Variants in SLMAP observed in about 807,000 individuals in gnomAD.
SLMAP encodes sarcolemma associated protein.
Under a neutral mutation model 128.8 loss-of-function variants are expected in SLMAP, and 44 were observed. The ratio of observed to expected loss-of-function variants is 0.34; its 90% confidence interval spans 0.27 to 0.44. SLMAP has a LOEUF of 0.44. Among genes scored for constraint, SLMAP ranks in the 20% least tolerant of loss-of-function variants. SLMAP has a pLI of 1.00. For synonymous variants in SLMAP, 327 were observed against 348.8 expected, an observed-to-expected ratio of 0.94 and a Z score of 0.70; for missense variants, 787 against 985.3, an observed-to-expected ratio of 0.80 and a Z score of 2.69.
intron 2 of SLMAP, among the ~76,000 whole-genome samples, chr3:57,803,259 C>G (rs1456354387): frequency 6.6e-6 from 1 of 151,920 alleles, no homozygotes; most frequent in Non-Finnish European, 1.5e-5. Flanking sequence ...TAAAAAAGGC[C>G]ATCAAGATTA....
At chr3:57,869,647 T>TATATATATA (rs2095430051) in intron 13 of SLMAP, among the ~76,000 whole-genome samples, 1 of 134,842 alleles carries the variant, frequency 7.4e-6, no homozygotes, top group Non-Finnish European at 1.6e-5. Context: ...TATATATATA[T>TATATATATA]ATATATATAT....
At chr3:57,820,910 T>G (rs2092445670) in intron 2 of SLMAP, among the ~76,000 whole-genome samples, 2 of 152,194 alleles carry the variant, frequency 1.3e-5, no homozygotes, top group South Asian at 4.1e-4. Context: ...CTCCTTTATC[T>G]ACAGGACTTA....
chr3:57,892,801 C>T (rs996553071), intron 15 of SLMAP, among the ~76,000 whole-genome samples: 2 of 150,050 alleles, frequency 1.3e-5, no homozygotes, highest in African/African-American at 4.9e-5. Context: ...CACACACACA[C>T]ACACACACAT....
intron 2 of SLMAP, among the ~76,000 whole-genome samples, chr3:57,811,973 C>G (rs1260723132): frequency 3.9e-5 from 6 of 152,004 alleles, no homozygotes; most frequent in African/African-American, 1.4e-4. Flanking sequence ...TTCTGGATAC[C>G]AATCCCTTAT....
chr3:57,809,157 A>G (rs1163588566), intron 2 of SLMAP, among the ~76,000 whole-genome samples: 1 of 152,154 alleles, frequency 6.6e-6, no homozygotes, highest in Non-Finnish European at 1.5e-5. Context: ...TGGAGCAGGC[A>G]GGAGCCCACC....
intron 2 of SLMAP, among the ~76,000 whole-genome samples, chr3:57,806,487 G>T (rs1408454586): frequency 6.6e-6 from 1 of 151,850 alleles, no homozygotes; most frequent in East Asian, 1.9e-4. Context: ...ACCCAGACTG[G>T]AGTGCAGTGG....
intron 2 of SLMAP, among the ~76,000 whole-genome samples, chr3:57,758,241 C>T (rs1004411944): frequency 2.6e-5 from 4 of 152,152 alleles, no homozygotes; most frequent in African/African-American, 9.7e-5. Flanking sequence ...ATTATTATCC[C>T]GGGGCTCAAG....
At chr3:57,869,689 A>G (rs897399700) in intron 13 of SLMAP, among the ~76,000 whole-genome samples, 14 of 138,368 alleles carry the variant, frequency 1.0e-4, no homozygotes, top group African/African-American at 3.5e-4. Context: ...AATTCTAATG[A>G]TCTATTTTGC....
chr3:57,830,807 A>G (rs934910335), intron 2 of SLMAP, among the ~76,000 whole-genome samples: 2 of 152,248 alleles, frequency 1.3e-5, no homozygotes, highest in African/African-American at 4.8e-5. Flanking sequence ...GATGTTTCAT[A>G]TAAAATGAAT....
chr3:57,812,808 A>AT (rs2091223115), intron 2 of SLMAP, among the ~76,000 whole-genome samples: 1 of 151,874 alleles, frequency 6.6e-6, no homozygotes, highest in African/African-American at 2.4e-5. Context: ...TTCATTAAAA[A>AT]TTTTTTTAAA....
At chr3:57,911,150 T>C (rs1052177909) in intron 19 of SLMAP, among the ~76,000 whole-genome samples, 1 of 151,942 alleles carries the variant, frequency 6.6e-6, no homozygotes, top group Non-Finnish European at 1.5e-5. Flanking sequence ...TAGTGCTACC[T>C]TTTTTTTAAA....
At chr3:57,818,324 T>C (rs537374982) in intron 2 of SLMAP, among the ~76,000 whole-genome samples, 1 of 152,166 alleles carries the variant, frequency 6.6e-6, no homozygotes, top group South Asian at 2.1e-4. Context: ...CCCAGCTAAT[T>C]TTGTGTTTTT....
chr3:57,915,237 C>A (rs182890740), intron 21 of SLMAP, among the ~76,000 whole-genome samples: 253 of 152,240 alleles, frequency 1.7e-3, no homozygotes, highest in African/African-American at 5.6e-3. Context: ...TGGAATCTGG[C>A]AGATTCTTAA....
At chr3:57,843,305 CTTTTTTT>C in intron 4 of SLMAP, among the ~76,000 whole-genome samples, 16,116 of 91,816 alleles carry the variant, frequency 0.18, 383 homozygotes, top group East Asian at 0.37. Context: ...CTTTCTTTTC[CTTTTTTT>C]TTTTTTTTTT....
intron 14 of SLMAP, among the ~76,000 whole-genome samples, chr3:57,876,709 G>T (rs1333911654): frequency 1.3e-5 from 2 of 152,188 alleles, no homozygotes; most frequent in Non-Finnish European, 2.9e-5. Flanking sequence ...AAGAAATAAT[G>T]TATCTCTAAA....
chr3:57,806,402 C>T (rs1007589859), intron 2 of SLMAP, among the ~76,000 whole-genome samples: 8 of 152,032 alleles, frequency 5.3e-5, no homozygotes, highest in Admixed American at 1.3e-4. Context: ...TTTATGGCTG[C>T]GTAGTATTCC....
intron 2 of SLMAP, among the ~76,000 whole-genome samples, chr3:57,795,890 A>G (rs1003941112): frequency 6.6e-6 from 1 of 152,052 alleles, no homozygotes; most frequent in Non-Finnish European, 1.5e-5. Context: ...GACTTTGCCT[A>G]TTCTAGGTGC....
chr3:57,816,930 A>C (rs1213225959), intron 2 of SLMAP, among the ~76,000 whole-genome samples: 1 of 152,234 alleles, frequency 6.6e-6, no homozygotes, highest in Non-Finnish European at 1.5e-5. Context: ...GGGCTTGTGC[A>C]GGGGCACTGC....
chr3:57,827,007 A>C (rs572560346), intron 2 of SLMAP, among the ~76,000 whole-genome samples: 6 of 152,180 alleles, frequency 3.9e-5, no homozygotes, highest in Middle Eastern at 3.4e-3. Flanking sequence ...TGGTTTTGCT[A>C]TCTTAGTCAC....
Sources: allele counts gnomAD v4.1 joint callset (sites outside exome capture counted in the v4.1 genomes callset), GRCh38; gene constraint gnomAD v4.1.1; transcripts MANE v1.5; gene names NCBI Gene and HGNC (gene_info 2026-07-23, HGNC 2026-07-21).